Variants in CACNA1I observed in about 807,000 individuals in gnomAD.
CACNA1I encodes voltage-dependent T-type calcium channel subunit alpha-1I.
Under a neutral mutation model 201.6 loss-of-function variants are expected in CACNA1I, and 74 were observed. That is an observed-to-expected ratio of 0.37 (90% CI 0.30 to 0.45). The LOEUF is 0.45. CACNA1I is among the 20% of genes least tolerant of loss of function. The pLI is 1.00. For missense variants in CACNA1I, 2,346 were observed against 3,138.1 expected (o/e 0.75, Z 6.03); for synonymous variants, 1,431 against 1,345.2 (o/e 1.06, Z -1.40).
Position 39,682,550 on chromosome 22 carries a change from T to C in CACNA1I, c.5719T>C (p.Phe1907Leu), listed in dbSNP as rs766086057. 1.2e-6 allele frequency: 2 copies of C among 1,613,814 alleles called. No homozygotes were observed. Among genetic ancestry groups the C allele is most frequent in the Admixed American group, 1.7e-5 (1 of 60,024 alleles). Residue 1907 changes from phenylalanine to leucine, a missense_variant, in exon 35 of 37, where the codon TTC (phenylalanine) becomes CTC (leucine). Physicochemically the swap from Phe to Leu is conservative, Grantham distance 22. Coordinates refer to ENST00000402142, the MANE Select transcript of CACNA1I (RefSeq NM_021096.4). ...MRVGDLGECF[F>L]PLSSTAVSPD... ...TGTGGGAGACCTGGGCGAATGCTTC[T>C]TCCCCTTGTCCTCTACGGCCGTCTC...
intron 7 of CACNA1I, 80 bp from the exon 8 acceptor site, chr22:39,646,489 C>A: frequency 1.4e-6 from 2 of 1,476,982 alleles, no homozygotes; most frequent in South Asian, 2.8e-5. Context: ...GCTGTCCCCA[C>A]TCCATGACTC....
At chr22:39,593,549 G>A (rs773673714) in intron 1 of CACNA1I, among the ~76,000 whole-genome samples, 3 of 152,210 alleles carry the variant, frequency 2.0e-5, no homozygotes, top group Admixed American at 6.5e-5. Flanking sequence ...CAGAAGGCGT[G>A]TTTGGAGAAA....
rs750833215 is a variant in CACNA1I at position 39,649,752 on chromosome 22, A to G, written c.1819A>G (p.Lys607Glu). Reference sequence around the variant, plus strand: ...GGACGGAGCCTCCTCAGAACTGGGGAAGGAGGAGGAGGAGGAGGAGCAGGC... The same window carrying G: ...GGACGGAGCCTCCTCAGAACTGGGGGAGGAGGAGGAGGAGGAGGAGCAGGC... ...SEDGASSELG[K>E]EEEEEEQADG... The change falls in exon 10 of 37, where the codon AAG (lysine) becomes GAG (glutamate). Residue 607 changes from lysine to glutamate, a missense_variant. Lys to Glu is a moderately conservative substitution (Grantham distance 56). Coordinates refer to ENST00000402142, the MANE Select transcript of CACNA1I (RefSeq NM_021096.4). This position sits in a 1 kb window ranked among gnomAD's most constrained non-coding sequence, Gnocchi z 7.3. The G allele has an allele frequency of 1.9e-6, 3 of 1,586,270 alleles. No homozygotes were observed. Among genetic ancestry groups the G allele is most frequent in the Admixed American group, 1.8e-5 (1 of 55,546 alleles).
At chr22:39,660,206 A>C in intron 14 of CACNA1I, 138 bp from the exon 15 acceptor site, 1 of 643,392 alleles carries the variant, frequency 1.6e-6, no homozygotes. Flanking sequence ...TCTTGTTAGC[A>C]TCTCATTTCC....
intron 35 of CACNA1I, among the ~76,000 whole-genome samples, chr22:39,683,457 A>T (rs577958379): frequency 5.3e-5 from 8 of 152,096 alleles, no homozygotes; most frequent in African/African-American, 1.9e-4. Context: ...AGGTGCCAAG[A>T]TCCCAGACTT....
Position 39,679,794 on chromosome 22 carries a change from A to G in CACNA1I, c.5467A>G (p.Asn1823Asp), listed in dbSNP as rs1193236496. ...SLEGELTIID[N>D]LSGSIFHHYS... is the part of the protein sequence containing the mutation. ...GGAGGGGGAGCTGACCATCATCGAC[A>G]ACCTGTCGGGCTCCATCTTCCACCA... The change falls in exon 33 of 37, where the codon AAC becomes GAC. Residue 1823 changes from asparagine (N) to aspartate (D), a missense_variant. This residue lies in a region of CACNA1I where 441 missense variants were observed against 555.6 expected (regional missense o/e 0.79). Coordinates refer to ENST00000402142, the MANE Select transcript of CACNA1I (RefSeq NM_021096.4). 1 of 1,612,950 alleles carries G rather than the reference A, an allele frequency of 6.2e-7. No individual in the cohort carries two copies. Among genetic ancestry groups the G allele is most frequent in the Non-Finnish European group, 8.5e-7 (1 of 1,179,546 alleles).
In CACNA1I at chr22:39,679,138, G is replaced by A. The variant is rs747482916; in HGVS notation, c.5087G>A (p.Arg1696His). The A allele has an allele frequency of 9.4e-6, 15 of 1,594,310 alleles. No homozygotes were observed. The highest frequency in any genetic ancestry group is 1.7e-4 in the Middle Eastern group (1 of 6,028). The part of the protein sequence containing the change: ...DTLRDCTHDE[R>H]SCLSSLQFVS... Reference sequence around the variant, plus strand: ...CTGCGGGACTGCACCCACGACGAGCGCAGCTGCCTGAGCAGCCTGCAGTTT... The same window carrying A: ...CTGCGGGACTGCACCCACGACGAGCACAGCTGCCTGAGCAGCCTGCAGTTT... Residue 1696 changes from arginine (R) to histidine (H), a missense_variant, in exon 32 of 37, where the codon CGC becomes CAC. Physicochemically the swap from Arg to His is conservative, Grantham distance 29. This residue lies in a region of CACNA1I where 64 missense variants were observed against 131.8 expected (regional missense o/e 0.49). Transcript: ENST00000402142.
intron 20 of CACNA1I, 28 bp downstream of exon 20, chr22:39,664,187 T>A (rs1935111317): frequency 6.3e-7 from 1 of 1,595,714 alleles, no homozygotes; most frequent in African/African-American, 1.3e-5. Flanking sequence ...CCGGGACCCC[T>A]GCTAGCCCCA....
chr22:39,598,775 C>T (rs1932953172), intron 2 of CACNA1I, among the ~76,000 whole-genome samples: 1 of 151,974 alleles, frequency 6.6e-6, no homozygotes, highest in African/African-American at 2.4e-5. Context: ...TCCTGAGGTC[C>T]TGGGGTGGGG....
intron 1 of CACNA1I, 57 bp from the exon 2 acceptor site, chr22:39,598,094 C>T (rs912686670): frequency 9.8e-7 from 1 of 1,015,594 alleles, no homozygotes; most frequent in Non-Finnish European, 1.5e-6. Context: ...CTCTAGGGTG[C>T]ACCCCAGCCC....
chr22:39,643,622 C>A (rs551566182), intron 7 of CACNA1I: 1 of 152,484 alleles, frequency 6.6e-6, no homozygotes, highest in Admixed American at 6.5e-5. Context: ...GGAGAGGGCA[C>A]GCTTGGCCCT....
chr22:39,654,599 G>A (rs1280523973), intron 10 of CACNA1I, among the ~76,000 whole-genome samples: 1 of 152,210 alleles, frequency 6.6e-6, no homozygotes, highest in Admixed American at 6.5e-5. Context: ...CAGGTCTGGG[G>A]TGACTCTGGG....
In CACNA1I at chr22:39,571,001, G is replaced by A; in HGVS notation, c.236+13G>A. ...TGGTGTGCAACCCATATCCTCCGCAGCCTCGGCTGATCGGGGCCCTGCAGG... is the reference window on the plus strand; with the variant it reads ...TGGTGTGCAACCCATATCCTCCGCAACCTCGGCTGATCGGGGCCCTGCAGG... On this transcript the variant is annotated intron_variant, in intron 1 of 36. Transcript: ENST00000402142. The A allele has an allele frequency of 6.2e-7, 1 of 1,608,062 alleles. No homozygotes were observed. Among genetic ancestry groups the A allele is most frequent in the Non-Finnish European group, 8.5e-7 (1 of 1,174,768 alleles).
intron 28 of CACNA1I, among the ~76,000 whole-genome samples, chr22:39,673,336 C>T (rs34973328): frequency 6.6e-6 from 1 of 152,198 alleles, no homozygotes; most frequent in Non-Finnish European, 1.5e-5. Flanking sequence ...TGGACACACA[C>T]TCCCACTTCC....
chr22:39,684,088 T>G lies in CACNA1I; in HGVS notation c.5831-214T>G, dbSNP rs967405069. On this transcript the variant is annotated intron_variant, in intron 35 of 36. Coordinates refer to ENST00000402142, the MANE Select transcript of CACNA1I (RefSeq NM_021096.4). The surrounding 1 kb of genome is among the most constrained non-coding windows in gnomAD (Gnocchi z 4.6). The stretch of plus-strand genomic sequence containing the variant: ...GTCTTTGCCCAGGGCCCCCGCCCCC[T>G]GGAATCAAAAGGGCTGCTTCAGGAT... Among the ~76,000 whole-genome samples, 2 of 152,196 alleles carry G rather than the reference T, an allele frequency of 1.3e-5. No individual in the cohort carries two copies. The highest frequency in any genetic ancestry group is 4.8e-5 in the African/African-American group (2 of 41,462).
At chr22:39,589,045 C>T (rs760649488) in intron 1 of CACNA1I, among the ~76,000 whole-genome samples, 8 of 152,126 alleles carry the variant, frequency 5.3e-5, no homozygotes, top group Non-Finnish European at 7.3e-5. Flanking sequence ...CTGTCCTGTA[C>T]GTTGTAGGGT....
At position 39,634,656 on chromosome 22, in the gene CACNA1I, C is replaced by T. The variant is rs763760740; in HGVS notation, c.672C>T (p.Gly224=). 6.2e-7 allele frequency: 1 copy of T among 1,613,924 alleles called. No individual in the cohort carries two copies. The highest frequency in any genetic ancestry group is 8.5e-7 in the Non-Finnish European group (1 of 1,179,852). Residue 224 remains glycine (G), a synonymous_variant, in exon 5 of 37, where the codon GGC becomes GGT. Coordinates refer to ENST00000402142, the MANE Select transcript of CACNA1I (RefSeq NM_021096.4). ...LLCFFVFFIF[G]IIGVQLWAGL... is the part of the protein sequence containing the mutation. ...GCTTCTTTGTCTTCTTCATCTTTGG[C>T]ATCATAGGTGTGCAGCTCTGGGCGG...
At chr22:39,573,880 G>A (rs954798706) in intron 1 of CACNA1I, among the ~76,000 whole-genome samples, 1 of 152,164 alleles carries the variant, frequency 6.6e-6, no homozygotes, top group African/African-American at 2.4e-5. Flanking sequence ...CTTGGAGAGA[G>A]CCCTGGGTCC....
chr22:39,684,636 G>T lies in CACNA1I; in HGVS notation c.6027+138G>T. The stretch of plus-strand genomic sequence containing the variant: ...GGCACCACCGTGCAAGGGGGTTTGG[G>T]AACGCTGGGGTGACGCTGAGACTGG... On this transcript the variant is annotated intron_variant, in intron 36 of 36. Transcript: ENST00000402142. The surrounding 1 kb of genome is among the most constrained non-coding windows in gnomAD (Gnocchi z 4.6). 1 of 860,866 alleles carries T rather than the reference G, an allele frequency of 1.2e-6. No individual in the cohort carries two copies. The highest frequency in any genetic ancestry group is 1.8e-6 in the Non-Finnish European group (1 of 554,286). The allele number at this position is 860,866 out of a possible 1,614,324, so 53.3% of individuals were successfully genotyped here.
Sources: gnomAD v4.1 joint callset for allele counts (sites outside exome capture counted in the v4.1 genomes callset) on GRCh38, gnomAD v4.1.1 for gene constraint, gnomAD v4.1.1 regional missense constraint, Gnocchi (gnomAD v3.1) non-coding constraint, MANE v1.5 for transcripts, NCBI Gene and HGNC (gene_info 2026-07-23, HGNC 2026-07-21) for gene names.